KYNU: variants seen among roughly 807,000 people sequenced by gnomAD.
KYNU encodes the protein L-kynurenine hydrolase.
KYNU carries 54 observed loss-of-function variants against 59.2 expected under a neutral mutation model. The ratio of observed to expected loss-of-function variants is 0.91; its 90% CI spans 0.73 to 1.14. The LOEUF (loss-of-function observed/expected upper bound fraction) is 1.14, where lower values mean the gene tolerates loss of function less well. KYNU is among the 50% of genes most tolerant of loss of function. The pLI, the probability that KYNU is intolerant of heterozygous loss-of-function variation, is 0.00. For synonymous variants in KYNU, 177 were observed against 192.0 expected (o/e 0.92, Z 0.65); for missense variants, 567 against 554.4 (o/e 1.02, Z -0.23).
At chr2:143,009,060 G>C (rs1257641081) in intron 10 of KYNU, among the ~76,000 whole-genome samples, 1 of 119,146 alleles carries the variant, frequency 8.4e-6, no homozygotes, top group Non-Finnish European at 1.7e-5. Flanking sequence ...ACTAAAATCA[G>C]AGCAGAACTG....
chr2:142,991,830 ACTTG>A lies in KYNU; in HGVS notation c.902+5811_902+5814del, dbSNP rs1685406225. Among the ~76,000 whole-genome samples, 6 of 151,874 alleles carry A rather than the reference ACTTG, an allele frequency of 4.0e-5. No individual in the cohort carries two copies. The South Asian group carries it at 1.2e-3, about 32-fold the overall frequency. ...ACGAACTTTTATTTCCAGCTTTACCACTTGCATAATTTTTAGCCCTTATTTTCAT... is the reference window on the plus strand; with the variant it reads ...ACGAACTTTTATTTCCAGCTTTACCACATAATTTTTAGCCCTTATTTTCAT... On this transcript the variant is annotated intron_variant, in intron 10 of 13. Transcript: ENST00000264170.
intron 3 of KYNU, among the ~76,000 whole-genome samples, chr2:142,919,361 A>G (rs1291533048): frequency 6.6e-6 from 1 of 152,248 alleles, no homozygotes; most frequent in Admixed American, 6.5e-5. Context: ...CTAACAGAGG[A>G]GTTAATATTC....
intron 11 of KYNU, among the ~76,000 whole-genome samples, chr2:143,030,587 G>A (rs943193792): frequency 6.6e-6 from 1 of 151,974 alleles, no homozygotes; most frequent in African/African-American, 2.4e-5. Flanking sequence ...CAATCTTCTC[G>A]CCTTAGCTTC....
At chr2:142,983,468 C>T (rs1274186859) in intron 8 of KYNU, among the ~76,000 whole-genome samples, 1 of 151,956 alleles carries the variant, frequency 6.6e-6, no homozygotes, top group East Asian at 1.9e-4. Context: ...AACATGGGCG[C>T]AAGAGAGGGC....
intron 8 of KYNU, among the ~76,000 whole-genome samples, chr2:142,968,912 CTAAATAAA>C (rs568610282): frequency 6.6e-6 from 1 of 151,342 alleles, no homozygotes; most frequent in African/African-American, 2.4e-5. Context: ...GACTCTGTCT[CTAAATAAA>C]TAAATAAATA....
chr2:142,900,456 T>A (rs1368069615), intron 2 of KYNU, among the ~76,000 whole-genome samples: 2 of 152,230 alleles, frequency 1.3e-5, no homozygotes, highest in African/African-American at 4.8e-5. Context: ...CCTGGGTTTA[T>A]ATCCTGATCA....
At chr2:142,939,620 A>C (rs1420374730) in intron 4 of KYNU, among the ~76,000 whole-genome samples, 4 of 148,680 alleles carry the variant, frequency 2.7e-5, no homozygotes, top group Admixed American at 1.4e-4. Flanking sequence ...AAAAAAAAAA[A>C]AAGAAAAAAG....
Position 142,941,704 on chromosome 2 carries a change from C to A in KYNU, c.374-13106C>A, listed in dbSNP as rs149506985. On this transcript the variant is annotated intron_variant, in intron 4 of 13. Coordinates refer to ENST00000264170, the MANE Select transcript of KYNU (RefSeq NM_003937.3). ...TTGCCATGCTGAATGGGCCCTGAAC[C>A]CACGACCTGACCCGTAGGTAATTTA... 7.8e-3 allele frequency among the ~76,000 whole-genome samples: 1,181 copies of A among 152,222 alleles called. 10 individuals carry two copies. The highest frequency in any genetic ancestry group is 0.02 in the Middle Eastern group (6 of 294).
chr2:142,956,655 C>T (rs1684174393), intron 6 of KYNU, among the ~76,000 whole-genome samples: 1 of 152,096 alleles, frequency 6.6e-6, no homozygotes, highest in African/African-American at 2.4e-5. Context: ...GGAATATAAA[C>T]TTTTATTTGT....
chr2:143,021,306 T>A (rs960717927), intron 10 of KYNU, among the ~76,000 whole-genome samples: 1 of 152,100 alleles, frequency 6.6e-6, no homozygotes, highest in African/African-American at 2.4e-5. Context: ...ATATAATGAG[T>A]TATATATTGT....
chr2:142,982,880 A>T (rs1467988566), intron 8 of KYNU, among the ~76,000 whole-genome samples: 1 of 152,076 alleles, frequency 6.6e-6, no homozygotes. Context: ...AACTGATCCA[A>T]GCCTCCATCT....
At chr2:142,985,424 A>G (rs1198767770) in intron 9 of KYNU, among the ~76,000 whole-genome samples, 1 of 151,812 alleles carries the variant, frequency 6.6e-6, no homozygotes, top group Non-Finnish European at 1.5e-5. Flanking sequence ...TGAAAAAGTC[A>G]GGAGGTTCTG....
chr2:142,932,762 C>T (rs572293300), intron 4 of KYNU, among the ~76,000 whole-genome samples: 61 of 104,404 alleles, frequency 5.8e-4, no homozygotes, highest in African/African-American at 2.3e-3. Context: ...TATGTGGGGG[C>T]GGGGGGCGGG....
At chr2:142,992,693 C>A (rs1425279518) in intron 10 of KYNU, among the ~76,000 whole-genome samples, 1 of 151,838 alleles carries the variant, frequency 6.6e-6, no homozygotes, top group African/African-American at 2.4e-5. Context: ...TGCATTTTAT[C>A]TCACATAGGT....
intron 4 of KYNU, among the ~76,000 whole-genome samples, chr2:142,932,511 C>T (rs1683256104): frequency 6.6e-6 from 1 of 152,062 alleles, no homozygotes; most frequent in African/African-American, 2.4e-5. Flanking sequence ...CTGCAGGAGC[C>T]TGATAGCTTG....
At chr2:143,031,411 A>G (rs1270326385) in intron 11 of KYNU, among the ~76,000 whole-genome samples, 1 of 152,178 alleles carries the variant, frequency 6.6e-6, no homozygotes, top group Non-Finnish European at 1.5e-5. Context: ...GATTGTGGCT[A>G]TGTTTTCATA....
chr2:143,031,304 A>C (rs1009646556), intron 11 of KYNU, among the ~76,000 whole-genome samples: 1 of 152,224 alleles, frequency 6.6e-6, no homozygotes, highest in Admixed American at 6.5e-5. Context: ...GCCAGATAGG[A>C]AATATTTTAA....
At chr2:142,904,708 G>A (rs1026475458) in intron 2 of KYNU, among the ~76,000 whole-genome samples, 2 of 152,124 alleles carry the variant, frequency 1.3e-5, no homozygotes, top group Non-Finnish European at 2.9e-5. Flanking sequence ...TTTTGCCTTG[G>A]GGGGAATGTT....
intron 4 of KYNU, among the ~76,000 whole-genome samples, chr2:142,940,134 G>A (rs567793353): frequency 1.5e-4 from 23 of 151,110 alleles, no homozygotes; most frequent in South Asian, 1.4e-3. Flanking sequence ...TAAATCCTTC[G>A]TTTGTGTTCA....
Sources: allele counts gnomAD v4.1 joint callset (sites outside exome capture counted in the v4.1 genomes callset), GRCh38; gene constraint gnomAD v4.1.1; transcripts MANE v1.5; gene names NCBI Gene and HGNC (gene_info 2026-07-23, HGNC 2026-07-21).